KDM6A: variants seen among roughly 807,000 people sequenced by gnomAD.
KDM6A encodes lysine demethylase 6A.
Under a neutral mutation model 117.6 loss-of-function variants are expected in KDM6A, and 11 were observed. The observed-to-expected ratio is 0.09, with a 90% CI of 0.06 to 0.15. The LOEUF (loss-of-function observed/expected upper bound fraction) is 0.15, where lower values mean the gene tolerates loss of function less well. Ranked by LOEUF, KDM6A falls within the 10% of genes least tolerant of loss-of-function variation. The pLI is 1.00. For synonymous variants in KDM6A, 384 were observed against 396.1 expected, an observed-to-expected ratio of 0.97 and a Z score of 0.36; for missense variants, 799 against 1,077.3, an observed-to-expected ratio of 0.74 and a Z score of 3.62.
At position 45,082,747 on chromosome X, in the gene KDM6A, C is replaced by A. The variant is rs752051137; in HGVS notation, c.3398C>A (p.Thr1133Asn). ...AGGAGGAGGAAAGGACCCTTTAAAA[C>A]CATAAAGTTTGGGACCAATATTGAC... is the stretch of plus-strand genomic sequence containing the variant. The part of the protein sequence containing the change: ...SGRRRKGPFK[T>N]IKFGTNIDLS... Residue 1133 changes from threonine to asparagine, a missense_variant, in exon 23 of 30, where the codon ACC becomes AAC. By Grantham distance (65) the Thr-to-Asn change is moderately conservative. Around this residue, in one of 8 missense-constraint regions of KDM6A, gnomAD observed 291 missense variants for 437.9 expected, o/e 0.66. Coordinates refer to ENST00000611820, the MANE Select transcript of KDM6A (RefSeq NM_001291415.2). 5 of 1,205,914 alleles carry A rather than the reference C, an allele frequency of 4.1e-6. No homozygotes were observed. In the South Asian group the frequency reaches 7.0e-5, roughly 17 times the overall value.
chrX:45,106,901 TA>T (rs2046548622), intron 27 of KDM6A: 6 of 196,673 alleles, frequency 3.1e-5, no homozygotes, highest in Non-Finnish European at 5.7e-5. Context: ...AATTCATAAA[TA>T]TTTTTTCTGC....
At chrX:45,051,576 A>G (rs962213530) in intron 8 of KDM6A, 133 bp from the exon 9 acceptor site, 8 of 438,117 alleles carry the variant, frequency 1.8e-5, no homozygotes, top group Middle Eastern at 6.3e-4. Context: ...ACATTCAATA[A>G]TGGAATCAGC....
chrX:44,979,696 T>C (rs945650596), intron 4 of KDM6A, among the ~76,000 whole-genome samples: 1 of 111,267 alleles, frequency 9.0e-6, no homozygotes, highest in African/African-American at 3.3e-5. Flanking sequence ...AAATTCTGTT[T>C]TGGCCTGTGA....
In KDM6A at chrX:45,078,622, G is replaced by C. The variant is rs1483144628; in HGVS notation, c.3094+117G>C. ...CTTTTTTCTTTTTTTTTCTTTTTTTGTATTTTAATTTTACTTTTTTTTAGT... is the reference window on the plus strand; with the variant it reads ...CTTTTTTCTTTTTTTTTCTTTTTTTCTATTTTAATTTTACTTTTTTTTAGT... On this transcript the variant is annotated intron_variant, in intron 20 of 29. Coordinates refer to ENST00000611820, the MANE Select transcript of KDM6A (RefSeq NM_001291415.2). The C allele has an allele frequency of 1.6e-5, 9 of 572,078 alleles. No individual in the cohort carries two copies. The Admixed American group carries it at 4.3e-4, about 27-fold the overall frequency. The allele number at this position is 572,078 out of a possible 1,213,427, so 47.1% of individuals were successfully genotyped here.
intron 8 of KDM6A, among the ~76,000 whole-genome samples, chrX:45,043,570 A>C (rs1197295536): frequency 3.6e-5 from 4 of 111,262 alleles, no homozygotes. Context: ...TGAAGCCCAG[A>C]GTTCAAGACT....
chrX:44,922,082 G>T (rs2035991662), intron 2 of KDM6A, among the ~76,000 whole-genome samples: 1 of 69,110 alleles, frequency 1.4e-5, no homozygotes, highest in Non-Finnish European at 2.6e-5. Context: ...AGAGCCTGTT[G>T]CCCAGGCTGG....
chrX:44,935,031 G>A (rs1162302443), intron 2 of KDM6A, among the ~76,000 whole-genome samples: 2 of 111,010 alleles, frequency 1.8e-5, no homozygotes, highest in East Asian at 5.6e-4. Flanking sequence ...CAGGCCAGTA[G>A]TTCTCCATTG....
chrX:44,979,163 A>G (rs1395974818), intron 4 of KDM6A, among the ~76,000 whole-genome samples: 2 of 112,364 alleles, frequency 1.8e-5, no homozygotes, highest in Admixed American at 9.4e-5. Context: ...TGGTTATACC[A>G]TTTTATATTC....
chrX:45,083,714 G>C lies in KDM6A; in HGVS notation c.3589+106G>C, dbSNP rs2045520566. ...TGTCATTTATAATGAATAAAACTGA[G>C]AGTTGTTCCTGTTATAAGACTTTTT... On this transcript the variant is annotated intron_variant, in intron 24 of 29. Coordinates refer to ENST00000611820, the MANE Select transcript of KDM6A (RefSeq NM_001291415.2). The C allele has an allele frequency of 2.1e-5, 15 of 725,474 alleles. No individual in the cohort carries two copies. In the South Asian group the frequency reaches 3.3e-4, roughly 16 times the overall value. The allele number at this position is 725,474 out of a possible 1,213,427, so 59.8% of individuals were successfully genotyped here.
At chrX:44,922,024 G>T in intron 2 of KDM6A, among the ~76,000 whole-genome samples, 1 of 27,511 alleles carries the variant, frequency 3.6e-5, no homozygotes, top group Non-Finnish European at 7.9e-5. Flanking sequence ...TTCATTGTGT[G>T]TGCCTTTTTT....
At chrX:44,895,099 T>TTTAG (rs2146631832) in intron 2 of KDM6A, among the ~76,000 whole-genome samples, 1 of 100,261 alleles carries the variant, frequency 1.0e-5, no homozygotes, top group South Asian at 4.6e-4. Context: ...TATTTATTTA[T>TTTAG]TTATTTATTT....
intron 18 of KDM6A, among the ~76,000 whole-genome samples, chrX:45,074,219 G>A (rs1252204126): frequency 1.8e-5 from 2 of 111,467 alleles, no homozygotes; most frequent in East Asian, 2.8e-4. Flanking sequence ...CCTCTGTTCT[G>A]TTCCATTGGT....
chrX:45,090,649 G>A (rs2045855396), intron 26 of KDM6A, 74 bp from the exon 27 acceptor site: 7 of 1,075,962 alleles, frequency 6.5e-6, no homozygotes, highest in Non-Finnish European at 9.0e-6. Flanking sequence ...GATATCACCT[G>A]AGCAGGTGAT....
At chrX:44,953,289 A>G (rs1001601772) in intron 2 of KDM6A, among the ~76,000 whole-genome samples, 1 of 111,164 alleles carries the variant, frequency 9.0e-6, no homozygotes, top group African/African-American at 3.3e-5. Flanking sequence ...ATTCTACCCA[A>G]GTAGGCAGAG....
chrX:45,085,702 A>G (rs1350954093), intron 24 of KDM6A, among the ~76,000 whole-genome samples, 163 bp from the exon 25 acceptor site: 2 of 112,038 alleles, frequency 1.8e-5, no homozygotes, highest in Non-Finnish European at 3.8e-5. Context: ...GAAGAACTAA[A>G]TACTACTAGA....
chrX:44,985,643 C>T (rs1030304724), intron 4 of KDM6A, among the ~76,000 whole-genome samples: 5 of 111,491 alleles, frequency 4.5e-5, no homozygotes, highest in African/African-American at 1.6e-4. Context: ...TTGTCAAAGG[C>T]CTTTTCTGCA....
chrX:45,040,632 A>C (rs1162478596), intron 8 of KDM6A, among the ~76,000 whole-genome samples: 3 of 58,932 alleles, frequency 5.1e-5, no homozygotes, highest in African/African-American at 1.4e-4. Flanking sequence ...GGCTGATCAC[A>C]CCACTTCCCT....
intron 4 of KDM6A, among the ~76,000 whole-genome samples, chrX:44,993,908 G>C (rs1569510144): frequency 8.9e-6 from 1 of 111,990 alleles, no homozygotes; most frequent in Admixed American, 9.5e-5. Flanking sequence ...CCTTCCCTTT[G>C]TGCATAGGAT....
chrX:44,912,073 G>A (rs1477808700), intron 2 of KDM6A, among the ~76,000 whole-genome samples: 1 of 107,725 alleles, frequency 9.3e-6, no homozygotes, highest in Non-Finnish European at 1.9e-5. Context: ...AGAGGGAGAG[G>A]TTATAAACTT....
Sources: allele counts gnomAD v4.1 joint callset (sites outside exome capture counted in the v4.1 genomes callset), GRCh38; gene constraint gnomAD v4.1.1; regional missense constraint gnomAD v4.1.1; transcripts MANE v1.5; gene names NCBI Gene and HGNC (gene_info 2026-07-23, HGNC 2026-07-21).